Variants in PTPN4 observed in about 807,000 individuals in gnomAD.
PTPN4 encodes tyrosine-protein phosphatase non-receptor type 4.
In PTPN4, 49 loss-of-function variants were observed where a neutral mutation model predicts 135.5. That is an observed-to-expected ratio of 0.36 (90% CI 0.29 to 0.46). The LOEUF (loss-of-function observed/expected upper bound fraction) is 0.46. PTPN4 is among the 20% of genes least tolerant of loss of function. The probability of loss-of-function intolerance (pLI) is 1.00; values close to 1 mark genes in which losing one functional copy is unlikely to be tolerated. For synonymous variants in PTPN4, 333 were observed against 369.9 expected (o/e 0.90, Z 1.14); for missense variants, 860 against 1,101.0 (o/e 0.78, Z 3.10).
intron 2 of PTPN4, among the ~76,000 whole-genome samples, chr2:119,855,165 C>A (rs560306690): frequency 1.3e-5 from 2 of 152,086 alleles, no homozygotes; most frequent in Admixed American, 1.3e-4. Context: ...GATGTTTTCA[C>A]GTGCATGTCC....
chr2:119,868,883 A>G (rs962815296), intron 3 of PTPN4, among the ~76,000 whole-genome samples: 2 of 152,096 alleles, frequency 1.3e-5, no homozygotes, highest in Non-Finnish European at 2.9e-5. Context: ...TTCCCACTTC[A>G]CACCTCTATA....
chr2:119,922,175 T>C (rs1678745836), intron 12 of PTPN4, among the ~76,000 whole-genome samples: 1 of 147,796 alleles, frequency 6.8e-6, no homozygotes, highest in African/African-American at 2.5e-5. Flanking sequence ...AGGAAATTTG[T>C]ACCATAAATA....
chr2:119,786,292 A>G (rs1309520382), intron 1 of PTPN4, among the ~76,000 whole-genome samples: 1 of 152,176 alleles, frequency 6.6e-6, no homozygotes, highest in Non-Finnish European at 1.5e-5. Context: ...TTTATTTTCT[A>G]GTCACTTTTA....
At chr2:119,838,274 T>C (rs565777521) in intron 2 of PTPN4, among the ~76,000 whole-genome samples, 2 of 152,176 alleles carry the variant, frequency 1.3e-5, no homozygotes, top group African/African-American at 4.8e-5. Context: ...CTCCTGCACA[T>C]GTACCAGGTG....
At chr2:119,879,992 G>A (rs965757134) in intron 5 of PTPN4, 6 of 124,498 alleles carry the variant, frequency 4.8e-5, no homozygotes, top group African/African-American at 1.8e-4. Flanking sequence ...AGTTTAATTA[G>A]TGAAAAATAT....
intron 1 of PTPN4, among the ~76,000 whole-genome samples, chr2:119,775,613 C>T (rs1463622039): frequency 6.6e-6 from 1 of 152,144 alleles, no homozygotes; most frequent in East Asian, 1.9e-4. Context: ...GAAGAGAACC[C>T]TGATAGAACA....
intron 3 of PTPN4, among the ~76,000 whole-genome samples, chr2:119,866,360 T>TTGGTTTATGATATTTGAC (rs1677835000): frequency 6.6e-6 from 1 of 152,082 alleles, no homozygotes; most frequent in African/African-American, 2.4e-5. Context: ...GTAGTTTTTG[T>TTGGTTTATGATATTTGAC]TGGTTTATGA....
intron 26 of PTPN4, 65 bp from the exon 27 acceptor site, chr2:119,976,919 G>A (rs1217559664): frequency 6.5e-7 from 1 of 1,546,650 alleles, no homozygotes; most frequent in African/African-American, 1.4e-5. Context: ...TGTCTTTTTT[G>A]GGGGGAGAGG....
chr2:119,962,838 G>A, intron 24 of PTPN4, 94 bp downstream of exon 24: 1 of 1,064,820 alleles, frequency 9.4e-7, no homozygotes, highest in African/African-American at 1.6e-5. Context: ...TGGTTGCTAG[G>A]AAATACTATA....
In PTPN4 at chr2:119,913,503, A is replaced by G. The variant is rs142414941; in HGVS notation, c.765-1676A>G. ...ATTCAAACTGGATTTTTAAAAATCA[A>G]TCTGAGCCAGATGCAGTGGCACACA... is the stretch of plus-strand genomic sequence containing the variant. On this transcript the variant is annotated intron_variant, in intron 10 of 26. Coordinates refer to ENST00000263708, the MANE Select transcript of PTPN4 (RefSeq NM_002830.4). 3.1e-4 allele frequency among the ~76,000 whole-genome samples: 47 copies of G among 152,334 alleles called. No individual in the cohort carries two copies. In the East Asian group the frequency reaches 8.1e-3, roughly 26 times the overall value.
intron 9 of PTPN4, among the ~76,000 whole-genome samples, chr2:119,891,537 C>G (rs1343592608): frequency 6.6e-6 from 1 of 152,108 alleles, no homozygotes; most frequent in Non-Finnish European, 1.5e-5. Context: ...GTTGGACAGG[C>G]TGGTCTCGAA....
rs1207845878 is a variant in PTPN4 at position 119,977,587 on chromosome 2, A to G, written c.*517A>G. On this transcript the variant is annotated 3_prime_UTR_variant, in exon 27 of 27. Transcript: ENST00000263708. ...GGATGCAGCACATTTTTCCCTGCAC[A>G]CCCCCTGTAGAGACCTGCCTGCTGC... The G allele has an allele frequency of 6.6e-6, 1 of 152,166 alleles. No individual in the cohort carries two copies. The highest frequency in any genetic ancestry group is 1.5e-5 in the Non-Finnish European group (1 of 68,064). 9.4% of individuals were successfully genotyped at this position (152,166 alleles called of 1,614,324 possible).
intron 24 of PTPN4, among the ~76,000 whole-genome samples, chr2:119,964,204 T>C (rs1261001592): frequency 6.6e-6 from 1 of 152,166 alleles, no homozygotes; most frequent in Non-Finnish European, 1.5e-5. Flanking sequence ...GATGGGGTGA[T>C]TTACAGGTCC....
chr2:119,955,703 C>T (rs905004613), intron 20 of PTPN4, among the ~76,000 whole-genome samples: 26 of 152,000 alleles, frequency 1.7e-4, no homozygotes, highest in Middle Eastern at 3.4e-3. Context: ...TTTGGGAGGC[C>T]GAGGCGGGCG....
At chr2:119,876,990 A>ATAGT (rs1677994165) in intron 3 of PTPN4, among the ~76,000 whole-genome samples, 1 of 151,890 alleles carries the variant, frequency 6.6e-6, no homozygotes, top group Non-Finnish European at 1.5e-5. Flanking sequence ...TTTAAGAAAT[A>ATAGT]TAGTTAGATT....
Position 119,971,300 on chromosome 2 carries a change from C to T in PTPN4, c.2694+3328C>T, listed in dbSNP as rs534197415. On this transcript the variant is annotated intron_variant, in intron 26 of 26. Coordinates refer to ENST00000263708, the MANE Select transcript of PTPN4 (RefSeq NM_002830.4). ...CTATGTCTTGTAGAGAACTCTATCA[C>T]GAGAACAGAAAGGGGGAGGTCTGCC... Among the ~76,000 whole-genome samples, 161 of 152,206 alleles carry T rather than the reference C, an allele frequency of 1.1e-3. 2 individuals carry two copies. The highest frequency in any genetic ancestry group is 3.7e-3 in the African/African-American group (152 of 41,532).
chr2:119,799,665 C>T (rs1691326155), intron 1 of PTPN4, among the ~76,000 whole-genome samples: 1 of 152,162 alleles, frequency 6.6e-6, no homozygotes, highest in African/African-American at 2.4e-5. Flanking sequence ...AGAATTCACT[C>T]TTCTTGGAAC....
chr2:119,973,655 G>GTTTTTTTTTTTTTTTTGTTTTTTT (rs1679569279), intron 26 of PTPN4, among the ~76,000 whole-genome samples: 1 of 38,394 alleles, frequency 2.6e-5, no homozygotes, highest in African/African-American at 1.3e-4. Context: ...TTCATTTCTT[G>GTTTTTTTTTTTTTTTTGTTTTTTT]TTTTTTTTTT....
chr2:119,815,104 T>C (rs1225174188), intron 2 of PTPN4, among the ~76,000 whole-genome samples: 2 of 152,220 alleles, frequency 1.3e-5, no homozygotes, highest in African/African-American at 4.8e-5. Context: ...ATATTTGCCA[T>C]GCATAAGTCT....
Sources: allele counts gnomAD v4.1 joint callset (sites outside exome capture counted in the v4.1 genomes callset), GRCh38; gene constraint gnomAD v4.1.1; transcripts MANE v1.5; gene names NCBI Gene and HGNC (gene_info 2026-07-23, HGNC 2026-07-21).